Variants in NCK2 observed in about 807,000 individuals in gnomAD.
The protein encoded by NCK2 is NCK adaptor protein 2.
A neutral mutation model predicts 33.9 loss-of-function variants in NCK2; 16 were observed. That is an observed-to-expected ratio of 0.47 (90% CI 0.32 to 0.72). The LOEUF is 0.72. Among genes scored for constraint, NCK2 ranks in the 30% least tolerant of loss-of-function variants. The pLI, the probability that NCK2 is intolerant of heterozygous loss-of-function variation, is 0.03. For synonymous variants in NCK2, 273 were observed against 239.9 expected, an observed-to-expected ratio of 1.14 and a Z score of -1.27; for missense variants, 418 against 537.3, an observed-to-expected ratio of 0.78 and a Z score of 2.19.
chr2:105,842,791 G>C (rs1221670412), intron 2 of NCK2, among the ~76,000 whole-genome samples: 1 of 152,066 alleles, frequency 6.6e-6, no homozygotes, highest in Non-Finnish European at 1.5e-5. Context: ...GTGGGGACGG[G>C]ACCCAGCCCG....
chr2:105,807,747 TTCCCTCCCTCCCTCCCTTCTC>T (rs1558846595), intron 1 of NCK2, among the ~76,000 whole-genome samples: 4 of 24,396 alleles, frequency 1.6e-4, no homozygotes, highest in Non-Finnish European at 2.3e-4. Context: ...CCTTCCTTCC[TTCCCTCCCTCCCTCCCTTCTC>T]TCCCTCCCTC....
At chr2:105,771,852 C>G (rs544051381) in intron 1 of NCK2, among the ~76,000 whole-genome samples, 1 of 152,190 alleles carries the variant, frequency 6.6e-6, no homozygotes, top group Non-Finnish European at 1.5e-5. Flanking sequence ...CTTTGTGAGG[C>G]CTGCCCATCA....
chr2:105,836,734 A>C (rs1341476719), intron 2 of NCK2, among the ~76,000 whole-genome samples: 1 of 152,112 alleles, frequency 6.6e-6, no homozygotes, highest in Non-Finnish European at 1.5e-5. Flanking sequence ...AAAACACTGC[A>C]GCTCTTTGGG....
chr2:105,862,554 C>T (rs1031548640), intron 3 of NCK2, among the ~76,000 whole-genome samples: 1 of 152,102 alleles, frequency 6.6e-6, no homozygotes, highest in Non-Finnish European at 1.5e-5. Context: ...CCGCTTTGTA[C>T]GTTTGGGGGG....
At chr2:105,833,506 T>C (rs1444207832) in intron 2 of NCK2, among the ~76,000 whole-genome samples, 5 of 152,230 alleles carry the variant, frequency 3.3e-5, no homozygotes, top group African/African-American at 1.2e-4. Context: ...TAGTCTCTAA[T>C]GATCTTTTAT....
chr2:105,838,984 C>G (rs956528187), intron 2 of NCK2, among the ~76,000 whole-genome samples: 1 of 152,046 alleles, frequency 6.6e-6, no homozygotes, highest in Non-Finnish European at 1.5e-5. Flanking sequence ...GAGAGTGGTG[C>G]GGCAGCTATT....
At chr2:105,798,247 G>A (rs1443546677) in intron 1 of NCK2, among the ~76,000 whole-genome samples, 1 of 152,160 alleles carries the variant, frequency 6.6e-6, no homozygotes, top group East Asian at 1.9e-4. Context: ...TAAGAAATAA[G>A]TTAGCCAAAA....
intron 1 of NCK2, among the ~76,000 whole-genome samples, chr2:105,794,378 A>T (rs1475367452): frequency 1.3e-5 from 2 of 152,076 alleles, no homozygotes; most frequent in East Asian, 1.9e-4. Flanking sequence ...TATTTCCTTT[A>T]TGCTGAAAAT....
At chr2:105,874,599 C>T (rs1048427365) in intron 3 of NCK2, among the ~76,000 whole-genome samples, 2 of 152,138 alleles carry the variant, frequency 1.3e-5, no homozygotes, top group African/African-American at 2.4e-5. Flanking sequence ...TTGAGCACAC[C>T]GCGTCTAAAC....
chr2:105,855,007 G>C (rs560584160), intron 2 of NCK2, 41 bp from the exon 3 acceptor site: 114 of 1,475,614 alleles, frequency 7.7e-5, no homozygotes, highest in Middle Eastern at 1.7e-4. Context: ...GAAGTGTCCG[G>C]GTAGTTCTCT....
At chr2:105,785,230 G>C (rs758850101) in intron 1 of NCK2, among the ~76,000 whole-genome samples, 1 of 152,102 alleles carries the variant, frequency 6.6e-6, no homozygotes. Flanking sequence ...CGCCCATCTC[G>C]GCCTCCCAAA....
intron 2 of NCK2, among the ~76,000 whole-genome samples, chr2:105,820,163 C>T (rs1185418074): frequency 6.6e-6 from 1 of 152,190 alleles, no homozygotes; most frequent in East Asian, 1.9e-4. Context: ...TTCCTTGGAA[C>T]AGGGCAGGCT....
chr2:105,817,652 T>C (rs953462981), intron 2 of NCK2, among the ~76,000 whole-genome samples: 2 of 152,150 alleles, frequency 1.3e-5, no homozygotes, highest in Non-Finnish European at 2.9e-5. Context: ...AGAAGACATT[T>C]ATGCAGCCAA....
chr2:105,839,919 G>A (rs1038956334), intron 2 of NCK2, among the ~76,000 whole-genome samples: 3 of 152,198 alleles, frequency 2.0e-5, no homozygotes, highest in African/African-American at 7.2e-5. Context: ...TGATCTCCGC[G>A]CAGCTGGTGG....
rs59005322 is a variant in NCK2, at chr2:105,880,936, A to ATTTT, written c.227-363_227-360dup. On this transcript the variant is annotated intron_variant, in intron 3 of 4. Coordinates refer to ENST00000233154, the MANE Select transcript of NCK2 (RefSeq NM_003581.5). ...CACAGATGTGCACCACAGGTGGCTAATTTTTTTTTTTTTTTTTTTTTTTTT... is the reference window on the plus strand; with the variant it reads ...CACAGATGTGCACCACAGGTGGCTAATTTTTTTTTTTTTTTTTTTTTTTTTTTTT... Among the ~76,000 whole-genome samples, 983 of 103,388 alleles carry ATTTT rather than the reference A, an allele frequency of 9.5e-3. 76 individuals are homozygous for ATTTT. The highest frequency in any genetic ancestry group is 0.013 in the Non-Finnish European group (657 of 51,766). The allele number at this position is 103,388 out of a possible 152,430, so 67.8% of individuals were successfully genotyped here.
At chr2:105,869,476 C>T (rs980005675) in intron 3 of NCK2, among the ~76,000 whole-genome samples, 1 of 152,162 alleles carries the variant, frequency 6.6e-6, no homozygotes. Flanking sequence ...AAGCCAAGCA[C>T]GAGGAGGCAG....
At chr2:105,818,733 A>G (rs1277593275) in intron 2 of NCK2, among the ~76,000 whole-genome samples, 1 of 152,226 alleles carries the variant, frequency 6.6e-6, no homozygotes, top group Non-Finnish European at 1.5e-5. Flanking sequence ...AGATTGTTTT[A>G]AAGTAATCTT....
At chr2:105,856,262 C>T (rs114767518) in intron 3 of NCK2, among the ~76,000 whole-genome samples, 300 of 152,302 alleles carry the variant, frequency 2.0e-3, no homozygotes, top group African/African-American at 7.0e-3. Context: ...TATTTACTGC[C>T]TCAGATTACC....
intron 1 of NCK2, among the ~76,000 whole-genome samples, chr2:105,772,124 G>A (rs1215152964): frequency 2.7e-5 from 4 of 150,666 alleles, no homozygotes; most frequent in Middle Eastern, 3.4e-3. Context: ...GGTAGCGTTT[G>A]CAGAGGCTGA....
Sources: gnomAD v4.1 joint callset for allele counts (sites outside exome capture counted in the v4.1 genomes callset) on GRCh38, gnomAD v4.1.1 for gene constraint, MANE v1.5 for transcripts, NCBI Gene and HGNC (gene_info 2026-07-23, HGNC 2026-07-21) for gene names.